Variants in EDIL3 observed in about 807,000 individuals in gnomAD.
EDIL3 encodes the protein EGF-like repeat and discoidin I-like domain-containing protein 3.
A neutral mutation model predicts 67.4 loss-of-function variants in EDIL3; 37 were observed. That is an observed-to-expected ratio of 0.55 (90% CI 0.42 to 0.72). The LOEUF (loss-of-function observed/expected upper bound fraction) is 0.72. EDIL3 is among the 30% of genes least tolerant of loss of function. The pLI, the probability that EDIL3 is intolerant of heterozygous loss-of-function variation, is 0.00. For synonymous variants in EDIL3, 195 were observed against 196.3 expected (o/e 0.99, Z 0.05); for missense variants, 527 against 586.3 (o/e 0.90, Z 1.04).
chr5:84,186,282 G>A (rs540107793), intron 3 of EDIL3, among the ~76,000 whole-genome samples: 1 of 152,028 alleles, frequency 6.6e-6, no homozygotes, highest in Non-Finnish European at 1.5e-5. Context: ...CTTATACTGG[G>A]AGGATAAGAA....
At position 83,991,404 on chromosome 5, in the gene EDIL3, C is replaced by G. The variant is rs145213582; in HGVS notation, c.1138-28044G>C. ...TCTGGTAACCAATCACTCTATCTTA[C>G]TGATTCTGCCTCATCGATTCACCAT... On this transcript the variant is annotated intron_variant, in intron 9 of 10. Transcript: ENST00000296591. Among the ~76,000 whole-genome samples, 547 of 152,266 alleles carry G rather than the reference C, an allele frequency of 3.6e-3. 2 individuals carry two copies. The highest frequency in any genetic ancestry group is 5.1e-3 in the Non-Finnish European group (345 of 68,012).
intron 3 of EDIL3, among the ~76,000 whole-genome samples, chr5:84,221,777 C>T (rs1041748789): frequency 6.6e-6 from 1 of 151,550 alleles, no homozygotes; most frequent in Non-Finnish European, 1.5e-5. Context: ...TATTTATGAA[C>T]AAGAATATAC....
At chr5:84,030,593 T>A (rs1178375296) in intron 9 of EDIL3, among the ~76,000 whole-genome samples, 2 of 152,236 alleles carry the variant, frequency 1.3e-5, no homozygotes, top group Non-Finnish European at 2.9e-5. Flanking sequence ...TCAAACATAC[T>A]AATTTAAATG....
chr5:84,111,087 GTC>G (rs1747556070), intron 5 of EDIL3, among the ~76,000 whole-genome samples: 1 of 152,020 alleles, frequency 6.6e-6, no homozygotes, highest in Non-Finnish European at 1.5e-5. Context: ...TGTGTGGCAC[GTC>G]TCTCTTCACA....
intron 4 of EDIL3, among the ~76,000 whole-genome samples, chr5:84,167,346 C>T (rs1308334569): frequency 6.6e-6 from 1 of 151,862 alleles, no homozygotes; most frequent in Non-Finnish European, 1.5e-5. Context: ...TGAGTTTGCC[C>T]CTTCCTTTCC....
At chr5:84,369,019 T>C (rs1213404875) in intron 1 of EDIL3, among the ~76,000 whole-genome samples, 6 of 152,088 alleles carry the variant, frequency 3.9e-5, no homozygotes, top group Non-Finnish European at 7.4e-5. Context: ...TTGGTGGGGA[T>C]GTAGAATGCT....
chr5:84,246,469 T>C (rs961258648), intron 2 of EDIL3, among the ~76,000 whole-genome samples: 1 of 152,248 alleles, frequency 6.6e-6, no homozygotes, highest in Admixed American at 6.5e-5. Context: ...ACTTCTGAGA[T>C]AATATGATTA....
chr5:84,355,858 T>C (rs566547895), intron 1 of EDIL3, among the ~76,000 whole-genome samples: 2 of 152,304 alleles, frequency 1.3e-5, no homozygotes, highest in South Asian at 4.1e-4. Flanking sequence ...CAGGCAGGAA[T>C]GTTTAAGTCT....
At chr5:84,014,451 C>T (rs1182734918) in intron 9 of EDIL3, among the ~76,000 whole-genome samples, 2 of 152,146 alleles carry the variant, frequency 1.3e-5, no homozygotes, top group African/African-American at 4.8e-5. Flanking sequence ...TTGAGACCAG[C>T]CAGGCCAATG....
chr5:84,262,907 A>G (rs1745264030), intron 1 of EDIL3, among the ~76,000 whole-genome samples: 1 of 151,628 alleles, frequency 6.6e-6, no homozygotes, highest in African/African-American at 2.4e-5. Context: ...CTGAGCTCAG[A>G]CAATCTGCCT....
intron 5 of EDIL3, among the ~76,000 whole-genome samples, chr5:84,134,664 T>C (rs1372309320): frequency 6.6e-6 from 1 of 152,154 alleles, no homozygotes; most frequent in Non-Finnish European, 1.5e-5. Context: ...AGTAGAACCA[T>C]ATCCTAAGAA....
chr5:84,349,869 A>G (rs976400755), intron 1 of EDIL3, among the ~76,000 whole-genome samples: 2 of 152,178 alleles, frequency 1.3e-5, no homozygotes, highest in East Asian at 3.8e-4. Context: ...CTTTTGATTA[A>G]CTTAAAAATA....
At chr5:84,102,725 A>C (rs1747389855) in intron 6 of EDIL3, among the ~76,000 whole-genome samples, 1 of 152,132 alleles carries the variant, frequency 6.6e-6, no homozygotes, top group South Asian at 2.1e-4. Flanking sequence ...GAAATCAGAG[A>C]TAACACAAAC....
At chr5:84,272,739 C>A (rs879170087) in intron 1 of EDIL3, among the ~76,000 whole-genome samples, 6 of 152,110 alleles carry the variant, frequency 3.9e-5, no homozygotes, top group Admixed American at 3.9e-4. Context: ...CCAAAAGAAT[C>A]TGAATTTAGA....
intron 3 of EDIL3, among the ~76,000 whole-genome samples, chr5:84,221,072 A>T (rs1199187544): frequency 2.6e-5 from 4 of 152,182 alleles, no homozygotes; most frequent in African/African-American, 9.6e-5. Flanking sequence ...AATCTATATT[A>T]AATTGAATTT....
intron 4 of EDIL3, among the ~76,000 whole-genome samples, chr5:84,178,630 G>A (rs1325231991): frequency 2.0e-5 from 3 of 152,076 alleles, no homozygotes; most frequent in Non-Finnish European, 2.9e-5. Flanking sequence ...TATCCAATTT[G>A]TACGTCTAAA....
At chr5:84,232,402 A>AG (rs5869215) in intron 2 of EDIL3, among the ~76,000 whole-genome samples, 117,575 of 152,050 alleles carry the variant, frequency 0.77, 45,574 homozygotes, top group East Asian at 0.95. Context: ...GTGATGTCTA[A>AG]GAAGGAAGAC....
At chr5:84,118,830 C>T (rs1747720194) in intron 5 of EDIL3, among the ~76,000 whole-genome samples, 1 of 152,064 alleles carries the variant, frequency 6.6e-6, no homozygotes, top group Admixed American at 6.6e-5. Flanking sequence ...AATGCCAGGC[C>T]ACATCTCATA....
At chr5:84,139,666 GA>G (rs979925839) in intron 4 of EDIL3, among the ~76,000 whole-genome samples, 2 of 152,090 alleles carry the variant, frequency 1.3e-5, no homozygotes, top group Non-Finnish European at 2.9e-5. Flanking sequence ...ATATCTTAGA[GA>G]AAACACTGCC....
Sources: gnomAD v4.1 joint callset for allele counts (sites outside exome capture counted in the v4.1 genomes callset) on GRCh38, gnomAD v4.1.1 for gene constraint, MANE v1.5 for transcripts, NCBI Gene and HGNC (gene_info 2026-07-23, HGNC 2026-07-21) for gene names.